RBFOX1: variants seen among roughly 807,000 people sequenced by gnomAD.
The protein encoded by RBFOX1 is RNA binding fox-1 homolog 1.
RBFOX1 carries 8 observed loss-of-function variants against 57.7 expected under a neutral mutation model. The ratio of observed to expected loss-of-function variants is 0.14; its 90% CI spans 0.08 to 0.25. The LOEUF (loss-of-function observed/expected upper bound fraction) is 0.25, where lower values mean the gene tolerates loss of function less well. RBFOX1 is among the 10% of genes least tolerant of loss of function. The pLI, the probability that RBFOX1 is intolerant of heterozygous loss-of-function variation, is 1.00. For missense variants in RBFOX1, 611 were observed against 548.5 expected, an observed-to-expected ratio of 1.11 and a Z score of -1.14; for synonymous variants, 326 against 222.4, an observed-to-expected ratio of 1.47 and a Z score of -4.15.
chr16:6,537,026 G>C (rs186908787), intron 2 of RBFOX1, among the ~76,000 whole-genome samples: 1 of 152,224 alleles, frequency 6.6e-6, no homozygotes, highest in Non-Finnish European at 1.5e-5. Flanking sequence ...ACAGTCCTAC[G>C]TACGGTAGGA....
chr16:5,585,154 G>T (rs921048549), intron 2 of RBFOX1, among the ~76,000 whole-genome samples: 1 of 152,044 alleles, frequency 6.6e-6, no homozygotes, highest in Non-Finnish European at 1.5e-5. Flanking sequence ...AATCCCTTAA[G>T]GAACTACTCC....
At chr16:6,710,053 G>C (rs982456153) in intron 3 of RBFOX1, among the ~76,000 whole-genome samples, 1 of 152,178 alleles carries the variant, frequency 6.6e-6, no homozygotes, top group South Asian at 2.1e-4. Flanking sequence ...AGATGGGACA[G>C]TGTTGCAAGA....
At chr16:7,542,894 A>C (rs1235127539) in intron 5 of RBFOX1, among the ~76,000 whole-genome samples, 1 of 151,946 alleles carries the variant, frequency 6.6e-6, no homozygotes. Context: ...GGCACACATA[A>C]TTGTTGTCTT....
chr16:6,673,151 G>A (rs1304114796), intron 3 of RBFOX1, among the ~76,000 whole-genome samples: 2 of 152,144 alleles, frequency 1.3e-5, no homozygotes, highest in Admixed American at 6.5e-5. Flanking sequence ...GATCAGTGAT[G>A]TCTACACTTC....
chr16:6,538,702 C>G (rs1043506244), intron 2 of RBFOX1, among the ~76,000 whole-genome samples: 1 of 152,170 alleles, frequency 6.6e-6, no homozygotes, highest in Non-Finnish European at 1.5e-5. Flanking sequence ...AAGGTAAACA[C>G]AGAATTCTCA....
intron 14 of RBFOX1, among the ~76,000 whole-genome samples, chr16:7,708,429 C>T (rs905858060): frequency 9.2e-5 from 14 of 152,110 alleles, no homozygotes; most frequent in African/African-American, 3.1e-4. Context: ...TCCCCCTTCC[C>T]AGAACCTGGC....
intron 3 of RBFOX1, among the ~76,000 whole-genome samples, chr16:6,991,785 C>T (rs960194088): frequency 1.3e-5 from 2 of 152,164 alleles, no homozygotes; most frequent in Non-Finnish European, 2.9e-5. Flanking sequence ...AATCTGCCTG[C>T]TTAGGCCTTC....
intron 4 of RBFOX1, among the ~76,000 whole-genome samples, chr16:7,241,113 C>A (rs1457396510): frequency 6.6e-6 from 1 of 152,104 alleles, no homozygotes; most frequent in African/African-American, 2.4e-5. Context: ...CCATTTCTGG[C>A]TTGAGACCCG....
At chr16:6,655,965 T>G (rs1185597901) in intron 3 of RBFOX1, among the ~76,000 whole-genome samples, 1 of 152,152 alleles carries the variant, frequency 6.6e-6, no homozygotes, top group East Asian at 1.9e-4. Flanking sequence ...CTCCTCACAT[T>G]GGGAAGAATA....
At chr16:6,599,621 T>C (rs2097824430) in intron 2 of RBFOX1, among the ~76,000 whole-genome samples, 1 of 152,144 alleles carries the variant, frequency 6.6e-6, no homozygotes, top group African/African-American at 2.4e-5. Flanking sequence ...GGCTAATCTT[T>C]TTATTCCTTT....
intron 4 of RBFOX1, among the ~76,000 whole-genome samples, chr16:5,953,230 G>C (rs1196525900): frequency 1.3e-5 from 2 of 152,176 alleles, no homozygotes; most frequent in African/African-American, 2.4e-5. Flanking sequence ...TTGCCCCTCA[G>C]ATAAGGCCAT....
intron 3 of RBFOX1, among the ~76,000 whole-genome samples, chr16:5,773,924 C>T (rs2054060902): frequency 6.6e-6 from 1 of 152,124 alleles, no homozygotes; most frequent in African/African-American, 2.4e-5. Context: ...GATCTACTGA[C>T]CTCATGATCT....
chr16:6,861,043 G>A (rs566560114), intron 3 of RBFOX1, among the ~76,000 whole-genome samples: 89 of 152,166 alleles, frequency 5.8e-4, no homozygotes, highest in Non-Finnish European at 1.1e-3. Flanking sequence ...GTAGGGGAGC[G>A]GTTGTAATCT....
At chr16:7,220,408 G>A (rs913078970) in intron 4 of RBFOX1, among the ~76,000 whole-genome samples, 7 of 152,170 alleles carry the variant, frequency 4.6e-5, no homozygotes, top group Non-Finnish European at 7.3e-5. Flanking sequence ...AAGGTGCAAT[G>A]CATTACAATG....
intron 4 of RBFOX1, among the ~76,000 whole-genome samples, chr16:7,170,067 C>T (rs1196861082): frequency 6.6e-6 from 1 of 152,084 alleles, no homozygotes; most frequent in Non-Finnish European, 1.5e-5. Flanking sequence ...GAGGAAGACC[C>T]TGTCTCAAAA....
chr16:5,739,160 C>T (rs1236637979), intron 3 of RBFOX1, among the ~76,000 whole-genome samples: 1 of 152,176 alleles, frequency 6.6e-6, no homozygotes, highest in Non-Finnish European at 1.5e-5. Context: ...AGGAACTGTG[C>T]CCCTTTTGCA....
chr16:6,931,339 C>A (rs60661159), intron 3 of RBFOX1, among the ~76,000 whole-genome samples: 14,933 of 100,384 alleles, frequency 0.15, 825 homozygotes, highest in East Asian at 0.29. Flanking sequence ...CTATCTATCT[C>A]TACACACACA....
At chr16:5,310,864 C>G (rs553422648) in intron 1 of RBFOX1, among the ~76,000 whole-genome samples, 1 of 152,074 alleles carries the variant, frequency 6.6e-6, no homozygotes, top group Non-Finnish European at 1.5e-5. Flanking sequence ...ATTTCAATAG[C>G]TTTTGGAGTC....
chr16:5,254,382 G>T (rs1454837418), intron 1 of RBFOX1, among the ~76,000 whole-genome samples: 1 of 152,128 alleles, frequency 6.6e-6, no homozygotes, highest in African/African-American at 2.4e-5. Flanking sequence ...GAACATACTT[G>T]TCTGTGGGCC....
Sources: gnomAD v4.1 joint callset for allele counts (sites outside exome capture counted in the v4.1 genomes callset) on GRCh38, gnomAD v4.1.1 for gene constraint, MANE v1.5 for transcripts, NCBI Gene and HGNC (gene_info 2026-07-23, HGNC 2026-07-21) for gene names.